The following CAMK1 variants were observed in gnomAD, a reference collection of about 807,000 sequenced individuals.
CAMK1 encodes calcium/calmodulin-dependent protein kinase type 1.
CAMK1 carries 39 observed loss-of-function variants against 49.1 expected under a neutral mutation model. That is an observed-to-expected ratio of 0.79 (90% CI 0.62 to 1.04). CAMK1 has a LOEUF of 1.04. Ranked by LOEUF, CAMK1 falls within the 50% of genes least tolerant of loss-of-function variation. The pLI, the probability that CAMK1 is intolerant of heterozygous loss-of-function variation, is 0.00. For synonymous variants in CAMK1, 192 were observed against 185.2 expected (o/e 1.04, Z -0.30); for missense variants, 457 against 472.2 (o/e 0.97, Z 0.30).
Position 9,757,744 on chromosome 3 carries a change from TCAG to T in CAMK1, c.1012_1014del (p.Leu338del). On this transcript the variant is annotated inframe_deletion, in exon 11 of 12. Coordinates refer to ENST00000256460, the MANE Select transcript of CAMK1 (RefSeq NM_003656.5). This position sits in a 1 kb window ranked among gnomAD's most constrained non-coding sequence, Gnocchi z 4.5. ...CGCTCCTCACCCCCAGCCACTGGTG[TCAG>T]CAGCTCCCCATGGCTCGCCGTCTGC... 3 of 1,614,182 alleles carry T rather than the reference TCAG, an allele frequency of 1.9e-6. No individual in the cohort carries two copies.
rs772639259 is a variant in CAMK1, at chr3:9,757,532, C to T, written c.*7G>A. The stretch of plus-strand genomic sequence containing the variant: ...ACGCAGAGGATCATGACCCGAGGTC[C>T]AGGGCCCTAGAGCTGGTGGGGCAGT... On this transcript the variant is annotated 3_prime_UTR_variant, in exon 12 of 12. Transcript: ENST00000256460. This position sits in a 1 kb window ranked among gnomAD's most constrained non-coding sequence, Gnocchi z 4.5. The T allele has an allele frequency of 1.2e-6, 2 of 1,611,482 alleles. No individual in the cohort carries two copies. The highest frequency in any genetic ancestry group is 1.7e-6 in the Non-Finnish European group (2 of 1,177,986).
At chr3:9,769,362 C>T (rs2078243701) in intron 1 of CAMK1, among the ~76,000 whole-genome samples, 1 of 152,128 alleles carries the variant, frequency 6.6e-6, no homozygotes. Flanking sequence ...ACACCTAACT[C>T]CAAACATCCT....
At position 9,767,753 on chromosome 3, in the gene CAMK1, C is replaced by T. The variant is rs1039377466; in HGVS notation, c.-4G>A. ...GGCCTTCCACTGCCCCCAGCATGGCCCACTGCCCCCCGACCACAGCCAGGG... is the reference window on the plus strand; with the variant it reads ...GGCCTTCCACTGCCCCCAGCATGGCTCACTGCCCCCCGACCACAGCCAGGG... On this transcript the variant is annotated 5_prime_UTR_variant, in exon 2 of 12. Transcript: ENST00000256460. The T allele has an allele frequency of 6.2e-7, 1 of 1,613,932 alleles. No homozygotes were observed. The highest frequency in any genetic ancestry group is 1.1e-5 in the South Asian group (1 of 91,082).
intron 6 of CAMK1, 42 bp from the exon 7 acceptor site, chr3:9,761,578 T>C (rs1358598566): frequency 6.2e-7 from 1 of 1,613,218 alleles, no homozygotes. Flanking sequence ...ATCTCTGCCC[T>C]TCAACTCCTG....
In CAMK1 at chr3:9,757,712, C is replaced by T. The variant is rs745547044; in HGVS notation, c.1030+17G>A. The T allele has an allele frequency of 1.9e-6, 3 of 1,613,948 alleles. No homozygotes were observed. Among genetic ancestry groups the T allele is most frequent in the African/African-American group, 2.7e-5 (2 of 74,938 alleles). On this transcript the variant is annotated intron_variant, in intron 11 of 11. Coordinates refer to ENST00000256460, the MANE Select transcript of CAMK1 (RefSeq NM_003656.5). The surrounding 1 kb of genome is among the most constrained non-coding windows in gnomAD (Gnocchi z 4.5). ...TTTGTGGACCACCCATGCCCTTCTG[C>T]AGAGCCCGCTCCTCACCCCCAGCCA...
chr3:9,768,022 C>T (rs912693956), intron 1 of CAMK1, among the ~76,000 whole-genome samples: 1 of 152,212 alleles, frequency 6.6e-6, no homozygotes, highest in African/African-American at 2.4e-5. Context: ...TTCATTCATT[C>T]ATTTATTCTA....
chr3:9,759,221 T>C, intron 10 of CAMK1: 1 of 1,614,196 alleles, frequency 6.2e-7, no homozygotes, highest in Non-Finnish European at 8.5e-7. Flanking sequence ...ATGACCTTTC[T>C]CGGACCCCAT....
Position 9,761,737 on chromosome 3 carries a change from G to C in CAMK1, c.450C>G (p.Tyr150Ter). ...RDLKPENLLY[Y>*]SLDEDSKIMI... ...TGATTTTGGAGTCTTCATCCAGGCTGTAGTACAGCAGATTCTCTGGCTTGA... is the reference window on the plus strand; with the variant it reads ...TGATTTTGGAGTCTTCATCCAGGCTCTAGTACAGCAGATTCTCTGGCTTGA... Residue 150 changes from tyrosine (Y) to a stop codon, truncating the protein, a stop_gained, in exon 6 of 12, where the codon TAC becomes TAG. Coordinates refer to ENST00000256460, the MANE Select transcript of CAMK1 (RefSeq NM_003656.5). LOFTEE classifies it high-confidence loss of function. 1.2e-6 allele frequency: 2 copies of C among 1,614,162 alleles called. No homozygotes were observed. The highest frequency in any genetic ancestry group is 1.7e-6 in the Non-Finnish European group (2 of 1,180,008).
At chr3:9,766,994 TC>T (rs1260464762) in intron 2 of CAMK1, among the ~76,000 whole-genome samples, 1 of 151,730 alleles carries the variant, frequency 6.6e-6, no homozygotes, top group Non-Finnish European at 1.5e-5. Context: ...TTTTCCACTC[TC>T]CCCCCAGCCT....
chr3:9,762,787 A>G, intron 5 of CAMK1, 127 bp downstream of exon 5: 1 of 878,032 alleles, frequency 1.1e-6, no homozygotes, highest in Non-Finnish European at 1.8e-6. Context: ...AGGTTACAAG[A>G]TCCACTTTGT....
At chr3:9,767,138 TC>T (rs1316571664) in intron 2 of CAMK1, among the ~76,000 whole-genome samples, 3 of 152,186 alleles carry the variant, frequency 2.0e-5, no homozygotes, top group Non-Finnish European at 4.4e-5. Context: ...CATCCTTCAG[TC>T]CCCAGCTCTA....
At chr3:9,767,821 G>T in intron 1 of CAMK1, 40 bp from the exon 2 acceptor site, 1 of 1,589,556 alleles carries the variant, frequency 6.3e-7, no homozygotes, top group Non-Finnish European at 8.6e-7. Context: ...GCAGAGCCCA[G>T]CCCTCTGTCT....
At chr3:9,761,359 G>T in intron 7 of CAMK1, 102 bp downstream of exon 7, 2 of 1,179,752 alleles carry the variant, frequency 1.7e-6, no homozygotes, top group Admixed American at 2.3e-5. Flanking sequence ...AGGGAGGGAG[G>T]GAAGGAAGGG....
intron 3 of CAMK1, among the ~76,000 whole-genome samples, chr3:9,764,875 A>G (rs2125590442): frequency 6.6e-6 from 1 of 152,164 alleles, no homozygotes; most frequent in African/African-American, 2.4e-5. Context: ...AGGAAGGCTC[A>G]GCTCTGCCAC....
At chr3:9,768,452 T>C (rs1200704403) in intron 1 of CAMK1, among the ~76,000 whole-genome samples, 2 of 152,200 alleles carry the variant, frequency 1.3e-5, no homozygotes, top group African/African-American at 2.4e-5. Context: ...AGCCTGGCCC[T>C]TCCTCTGCTG....
In CAMK1 at chr3:9,766,034, T is replaced by A. The variant is rs201950729; in HGVS notation, c.84-144A>T. On this transcript the variant is annotated intron_variant, in intron 2 of 11. Coordinates refer to ENST00000256460, the MANE Select transcript of CAMK1 (RefSeq NM_003656.5). ...CCTAGTCACTCATCCATCCCCTGGC[T>A]CCAGAGATGGTCACATGACCCAGGC... 46 of 1,609,832 alleles carry A rather than the reference T, an allele frequency of 2.9e-5. No individual in the cohort carries two copies. The African/African-American group carries it at 5.9e-4, about 21-fold the overall frequency.
chr3:9,761,367 G>T (rs2077861449), intron 7 of CAMK1, 94 bp downstream of exon 7: 1 of 1,283,192 alleles, frequency 7.8e-7, no homozygotes, highest in Non-Finnish European at 1.1e-6. Context: ...AGGGAAGGAA[G>T]GGAGGGCAGA....
chr3:9,760,340 TAGG>T (rs1239591108), intron 8 of CAMK1: 1 of 282,456 alleles, frequency 3.5e-6, no homozygotes, highest in South Asian at 4.2e-5. Context: ...TGCTTCTTAA[TAGG>T]GGGCACAAAA....
In CAMK1 at chr3:9,759,716, GTCCTTC is replaced by G; in HGVS notation, c.774_779del (p.Glu258_Lys259del). On this transcript the variant is annotated inframe_deletion, in exon 9 of 12. Coordinates refer to ENST00000256460, the MANE Select transcript of CAMK1 (RefSeq NM_003656.5). ...GCTCACAGGTGAATCTTTTCTCTGG[GTCCTTC>G]TCCATCAAGTGCCGGATGAAATCTT... is the stretch of plus-strand genomic sequence containing the variant. 6.2e-7 allele frequency: 1 copy of G among 1,614,086 alleles called. No homozygotes were observed. Among genetic ancestry groups the G allele is most frequent in the Non-Finnish European group, 8.5e-7 (1 of 1,180,012 alleles).
Sources: allele counts gnomAD v4.1 joint callset (sites outside exome capture counted in the v4.1 genomes callset), GRCh38; gene constraint gnomAD v4.1.1; non-coding constraint Gnocchi (gnomAD v3.1); transcripts MANE v1.5; gene names NCBI Gene and HGNC (gene_info 2026-07-23, HGNC 2026-07-21).